Variants in PRIM2 observed in about 807,000 individuals in gnomAD.
PRIM2 encodes the protein DNA primase large subunit.
Under a neutral mutation model 67.3 loss-of-function variants are expected in PRIM2, and 39 were observed. The observed-to-expected ratio is 0.58, with a 90% CI of 0.45 to 0.76. PRIM2 has a LOEUF of 0.76. Among genes scored for constraint, PRIM2 ranks in the 30% least tolerant of loss-of-function variants. PRIM2 has a pLI of 0.00. For synonymous variants in PRIM2, 143 were observed against 198.7 expected, an observed-to-expected ratio of 0.72 and a Z score of 2.36; for missense variants, 398 against 598.7, an observed-to-expected ratio of 0.66 and a Z score of 3.50.
the PRIM2 span, among the ~76,000 whole-genome samples, chr6:57,239,772 T>A: frequency 6.6e-6 from 1 of 152,048 alleles, no homozygotes; most frequent in Admixed American, 6.6e-5. Flanking sequence ...AATGCCACCA[T>A]CCACAAGGAG....
intron 5 of PRIM2, among the ~76,000 whole-genome samples, chr6:57,333,820 CTGTAAAATATAA>C (rs1768135429): frequency 6.6e-6 from 1 of 151,952 alleles, no homozygotes; most frequent in Admixed American, 6.5e-5. Context: ...TATGTATTCA[CTGTAAAATATAA>C]TGTTTTGAAG....
intron 7 of PRIM2, among the ~76,000 whole-genome samples, chr6:57,396,839 C>T (rs1464789844): frequency 6.6e-6 from 1 of 152,120 alleles, no homozygotes; most frequent in Non-Finnish European, 1.5e-5. Context: ...CTCCTTTTAG[C>T]AGTTCTTGTA....
intron 3 of PRIM2, among the ~76,000 whole-genome samples, chr6:57,322,088 C>CT (rs1478450437): frequency 1.3e-4 from 19 of 151,972 alleles, no homozygotes; most frequent in African/African-American, 3.4e-4. Flanking sequence ...AGAAGATGTA[C>CT]TTTTTTAAAA....
At chr6:57,330,348 G>GTTTTTTTTTTTTTTT (rs1238317111) in intron 5 of PRIM2, among the ~76,000 whole-genome samples, 36 of 87,804 alleles carry the variant, frequency 4.1e-4, no homozygotes, top group Non-Finnish European at 5.2e-4. Context: ...TGCTGAACTT[G>GTTTTTTTTTTTTTTT]TTTTTTTTTT....
At chr6:57,482,792 T>C (rs1171451640) in intron 7 of PRIM2, among the ~76,000 whole-genome samples, 1 of 152,194 alleles carries the variant, frequency 6.6e-6, no homozygotes, top group Non-Finnish European at 1.5e-5. Flanking sequence ...GGAGATTAAA[T>C]ACCTATTTTA....
At chr6:57,427,222 A>G (rs1771661911) in intron 7 of PRIM2, among the ~76,000 whole-genome samples, 1 of 152,232 alleles carries the variant, frequency 6.6e-6, no homozygotes, top group African/African-American at 2.4e-5. Context: ...AGATTTCATA[A>G]GTATTTAATG....
intron 5 of PRIM2, among the ~76,000 whole-genome samples, chr6:57,369,725 A>G (rs547705929): frequency 6.6e-6 from 1 of 152,314 alleles, no homozygotes; most frequent in African/African-American, 2.4e-5. Context: ...CCTTGATTAT[A>G]AGATGTTGCA....
the PRIM2 span, among the ~76,000 whole-genome samples, chr6:57,303,291 T>C: frequency 2.0e-5 from 3 of 152,318 alleles, no homozygotes; most frequent in African/African-American, 7.2e-5. Context: ...AGTCACTTAC[T>C]TTTTTACATG....
chr6:57,318,242 T>G (rs532235508), intron 1 of PRIM2, among the ~76,000 whole-genome samples, 195 bp from the exon 2 acceptor site: 1 of 152,310 alleles, frequency 6.6e-6, no homozygotes, highest in African/African-American at 2.4e-5. Context: ...ATTACAAAAT[T>G]ATTATAGGTG....
chr6:57,480,006 G>C (rs1480525940), intron 7 of PRIM2, among the ~76,000 whole-genome samples: 3 of 152,216 alleles, frequency 2.0e-5, no homozygotes, highest in African/African-American at 7.2e-5. Context: ...AGGGACCTGA[G>C]AAATGAGGAA....
At chr6:57,339,511 T>C (rs1174219905) in intron 5 of PRIM2, among the ~76,000 whole-genome samples, 1 of 152,016 alleles carries the variant, frequency 6.6e-6, no homozygotes. Flanking sequence ...AACAGAGATA[T>C]AGATCAATGG....
chr6:57,221,618 T>C, the PRIM2 span: 1 of 152,352 alleles, frequency 6.6e-6, no homozygotes. Flanking sequence ...CCTTCCCCAG[T>C]CGGGACTTGG....
At chr6:57,349,759 T>C (rs1768802136) in intron 5 of PRIM2, among the ~76,000 whole-genome samples, 1 of 152,174 alleles carries the variant, frequency 6.6e-6, no homozygotes, top group Non-Finnish European at 1.5e-5. Context: ...GGCTTACAGT[T>C]CTACTTTTCT....
chr6:57,605,610 A>G (rs1235110473), intron 11 of PRIM2, among the ~76,000 whole-genome samples: 14 of 152,196 alleles, frequency 9.2e-5, no homozygotes, highest in Admixed American at 3.3e-4. Context: ...CTGAAAAAAA[A>G]GACTTTTCTA....
At chr6:57,519,011 A>G (rs1426179576) in intron 8 of PRIM2, among the ~76,000 whole-genome samples, 3 of 152,192 alleles carry the variant, frequency 2.0e-5, no homozygotes, top group African/African-American at 7.2e-5. Context: ...TGTCCGGGGG[A>G]GACATCACAT....
intron 10 of PRIM2, among the ~76,000 whole-genome samples, chr6:57,597,666 G>A (rs1776389752): frequency 6.6e-6 from 1 of 152,068 alleles, no homozygotes. Context: ...GGACAAGCTG[G>A]GGATTCTTTC....
At chr6:57,506,442 G>C (rs1774252947) in intron 7 of PRIM2, among the ~76,000 whole-genome samples, 2 of 151,898 alleles carry the variant, frequency 1.3e-5, no homozygotes, top group African/African-American at 4.8e-5. Context: ...AAAAAGAGAG[G>C]ATACACTATA....
At chr6:57,374,303 A>ATTTATTTAT (rs1554331462) in intron 5 of PRIM2, among the ~76,000 whole-genome samples, 8 of 139,768 alleles carry the variant, frequency 5.7e-5, no homozygotes, top group African/African-American at 1.3e-4. Context: ...TTATTTATTT[A>ATTTATTTAT]TTTTTTTTGA....
intron 5 of PRIM2, among the ~76,000 whole-genome samples, chr6:57,333,495 T>C (rs9475843): frequency 0.036 from 5,424 of 152,250 alleles, 308 homozygotes; most frequent in African/African-American, 0.12. Flanking sequence ...GCACCTTTTT[T>C]CACTTTTTTG....
Sources: allele counts gnomAD v4.1 joint callset (sites outside exome capture counted in the v4.1 genomes callset), GRCh38; gene constraint gnomAD v4.1.1; transcripts MANE v1.5; gene names NCBI Gene and HGNC (gene_info 2026-07-23, HGNC 2026-07-21).